SH3BGRL2: variants seen among roughly 807,000 people sequenced by gnomAD.
SH3BGRL2 encodes the protein SH3 domain-binding glutamic acid-rich-like protein 2.
In SH3BGRL2, 21 loss-of-function variants were observed where a neutral mutation model predicts 14.8. The observed-to-expected ratio is 1.42, with a 90% CI of 1.01 to 2.05. SH3BGRL2 has a LOEUF of 2.05. Ranked by LOEUF, SH3BGRL2 falls within the 30% of genes most tolerant of loss-of-function variation. SH3BGRL2 has a pLI of 0.00. For synonymous variants in SH3BGRL2, 50 were observed against 47.8 expected (o/e 1.05, Z -0.19); for missense variants, 147 against 130.8 (o/e 1.12, Z -0.61).
the SH3BGRL2 span, among the ~76,000 whole-genome samples, chr6:79,584,487 C>T: frequency 3.9e-5 from 6 of 152,184 alleles, no homozygotes; most frequent in East Asian, 3.8e-4. Context: ...AGAACCCCCT[C>T]CATTTGGCAG....
chr6:79,674,660 C>T (rs773405070), intron 2 of SH3BGRL2, among the ~76,000 whole-genome samples: 1 of 152,072 alleles, frequency 6.6e-6, no homozygotes, highest in Non-Finnish European at 1.5e-5. Flanking sequence ...CCTTTGGTGG[C>T]TTCAAAGAAA....
chr6:79,635,408 G>T (rs1768903612), intron 1 of SH3BGRL2, among the ~76,000 whole-genome samples: 1 of 152,220 alleles, frequency 6.6e-6, no homozygotes, highest in Non-Finnish European at 1.5e-5. Context: ...ATGTCTGAAT[G>T]CATTCATTCT....
intron 2 of SH3BGRL2, among the ~76,000 whole-genome samples, chr6:79,694,680 G>GT (rs1173613165): frequency 6.6e-6 from 1 of 151,998 alleles, no homozygotes; most frequent in Non-Finnish European, 1.5e-5. Context: ...CCTTCAGATT[G>GT]TTTTTTCTCG....
At chr6:79,596,028 C>A in the SH3BGRL2 span, among the ~76,000 whole-genome samples, 1 of 152,148 alleles carries the variant, frequency 6.6e-6, no homozygotes, top group Non-Finnish European at 1.5e-5. Context: ...TAGATAGTAA[C>A]AATAAACAAA....
chr6:79,624,812 GT>G, the SH3BGRL2 span, among the ~76,000 whole-genome samples: 16 of 148,774 alleles, frequency 1.1e-4, no homozygotes, highest in Admixed American at 2.7e-4. Flanking sequence ...TGTTTTTTGG[GT>G]TTTTTTTTTC....
the SH3BGRL2 span, among the ~76,000 whole-genome samples, chr6:79,602,363 A>G: frequency 6.6e-6 from 1 of 152,180 alleles, no homozygotes; most frequent in South Asian, 2.1e-4. Flanking sequence ...AGGGGGTGAC[A>G]TTCTAAAAAC....
chr6:79,636,481 G>A (rs1377826453), intron 1 of SH3BGRL2, among the ~76,000 whole-genome samples: 1 of 152,194 alleles, frequency 6.6e-6, no homozygotes, highest in Non-Finnish European at 1.5e-5. Context: ...AGAAGCAGGA[G>A]TAAGTTGGGG....
chr6:79,575,668 T>C, the SH3BGRL2 span: 1 of 152,152 alleles, frequency 6.6e-6, no homozygotes, highest in Non-Finnish European at 1.5e-5. Context: ...AAGTTATTTC[T>C]TTCAGATATT....
At chr6:79,673,154 G>A (rs1292020671) in intron 1 of SH3BGRL2, among the ~76,000 whole-genome samples, 1 of 151,642 alleles carries the variant, frequency 6.6e-6, no homozygotes, top group African/African-American at 2.4e-5. Flanking sequence ...GTGAGGGTGG[G>A]GTTGGGGTGG....
At chr6:79,681,591 G>A (rs919394184) in intron 2 of SH3BGRL2, among the ~76,000 whole-genome samples, 1 of 152,118 alleles carries the variant, frequency 6.6e-6, no homozygotes, top group African/African-American at 2.4e-5. Flanking sequence ...GTCATGAAAG[G>A]AGACAAGGAG....
the SH3BGRL2 span, among the ~76,000 whole-genome samples, chr6:79,607,759 A>C: frequency 6.6e-6 from 1 of 152,134 alleles, no homozygotes; most frequent in Admixed American, 6.5e-5. Flanking sequence ...AGCCTGGCCA[A>C]CATGGTGAAA....
the SH3BGRL2 span, among the ~76,000 whole-genome samples, chr6:79,565,569 C>T: frequency 3.3e-5 from 5 of 152,030 alleles, no homozygotes; most frequent in Non-Finnish European, 5.9e-5. Context: ...TCAGTAGAGA[C>T]GCTATTTATT....
chr6:79,559,332 C>T, the SH3BGRL2 span, among the ~76,000 whole-genome samples: 44 of 152,070 alleles, frequency 2.9e-4, no homozygotes, highest in African/African-American at 8.2e-4. Flanking sequence ...TAACTGGGCA[C>T]GGTGGTTGGT....
intron 2 of SH3BGRL2, among the ~76,000 whole-genome samples, chr6:79,679,716 G>T (rs9359387): frequency 0.11 from 16,127 of 151,978 alleles, 1,133 homozygotes; most frequent in East Asian, 0.31. Flanking sequence ...TTGCAGAGAG[G>T]TTCTAACTTC....
chr6:79,686,409 C>T (rs1770090798), intron 2 of SH3BGRL2, among the ~76,000 whole-genome samples: 1 of 151,890 alleles, frequency 6.6e-6, no homozygotes, highest in African/African-American at 2.4e-5. Context: ...ACTTTCAATA[C>T]TCTTGACTTA....
the SH3BGRL2 span, among the ~76,000 whole-genome samples, chr6:79,618,167 T>G: frequency 3.9e-5 from 6 of 152,258 alleles, no homozygotes; most frequent in African/African-American, 1.2e-4. Context: ...GGCTAAGTGC[T>G]TAATTCTTTC....
rs947242938 is a variant in SH3BGRL2 at position 79,700,625 on chromosome 6, A to G, written c.*1116A>G. ...ACAGATACTTGTTCTCATTCCGTAT[A>G]TGAGCACAAGTAAGGTTTCAGAGCA... is the stretch of plus-strand genomic sequence containing the variant. On this transcript the variant is annotated 3_prime_UTR_variant, in exon 4 of 4. Coordinates refer to ENST00000369838, the MANE Select transcript of SH3BGRL2 (RefSeq NM_031469.4). The G allele has an allele frequency of 6.6e-6, 1 of 152,184 alleles. No homozygotes were observed. The highest frequency in any genetic ancestry group is 2.4e-5 in the African/African-American group (1 of 41,440). 9.4% of individuals were successfully genotyped at this position (152,184 alleles called of 1,614,324 possible).
chr6:79,645,928 G>C (rs1037973287), intron 1 of SH3BGRL2, among the ~76,000 whole-genome samples: 1 of 152,154 alleles, frequency 6.6e-6, no homozygotes, highest in Non-Finnish European at 1.5e-5. Context: ...CTACTCTGAG[G>C]TTATTAACTC....
chr6:79,562,428 C>G, the SH3BGRL2 span, among the ~76,000 whole-genome samples: 1 of 152,114 alleles, frequency 6.6e-6, no homozygotes, highest in African/African-American at 2.4e-5. Flanking sequence ...TAACTAACTC[C>G]TAGGTCATTT....
Sources: allele counts gnomAD v4.1 joint callset (sites outside exome capture counted in the v4.1 genomes callset), GRCh38; gene constraint gnomAD v4.1.1; transcripts MANE v1.5; gene names NCBI Gene and HGNC (gene_info 2026-07-23, HGNC 2026-07-21).